Variants in SLC14A2 observed in about 807,000 individuals in gnomAD.
SLC14A2 encodes urea transporter 2.
Under a neutral mutation model 104.6 loss-of-function variants are expected in SLC14A2, and 91 were observed. The observed-to-expected ratio is 0.87, with a 90% CI of 0.73 to 1.04. SLC14A2 has a LOEUF of 1.04. SLC14A2 is among the 50% of genes least tolerant of loss of function. The pLI is 0.00. For missense variants in SLC14A2, 1,189 were observed against 1,156.0 expected (o/e 1.03, Z -0.41); for synonymous variants, 476 against 466.4 (o/e 1.02, Z -0.27).
chr18:45,501,529 T>C (rs1204425629), intron 2 of SLC14A2, among the ~76,000 whole-genome samples: 1 of 152,236 alleles, frequency 6.6e-6, no homozygotes, highest in Non-Finnish European at 1.5e-5. Context: ...TGCATTGCCA[T>C]GTAGAGAAGT....
chr18:45,492,628 A>G (rs1368216669), intron 2 of SLC14A2, among the ~76,000 whole-genome samples: 1 of 152,184 alleles, frequency 6.6e-6, no homozygotes, highest in East Asian at 1.9e-4. Flanking sequence ...CATATCAGAA[A>G]TGTTTTCTTT....
At chr18:45,549,036 A>C (rs1483160851) in intron 2 of SLC14A2, among the ~76,000 whole-genome samples, 1 of 152,230 alleles carries the variant, frequency 6.6e-6, no homozygotes, top group Non-Finnish European at 1.5e-5. Flanking sequence ...AATATTGCCG[A>C]AGGCTAGCGC....
At chr18:45,508,912 TG>T (rs1202445831) in intron 2 of SLC14A2, among the ~76,000 whole-genome samples, 2 of 152,152 alleles carry the variant, frequency 1.3e-5, no homozygotes, top group Non-Finnish European at 2.9e-5. Flanking sequence ...ATCAAGATAT[TG>T]GGGGGTGACA....
chr18:45,273,865 T>C (rs2084675712), intron 1 of SLC14A2, among the ~76,000 whole-genome samples: 1 of 152,188 alleles, frequency 6.6e-6, no homozygotes, highest in South Asian at 2.1e-4. Flanking sequence ...TGAGCATCTA[T>C]AGAACAGTAT....
chr18:45,532,237 G>A (rs1452631919), intron 2 of SLC14A2, among the ~76,000 whole-genome samples: 2 of 152,156 alleles, frequency 1.3e-5, no homozygotes. Flanking sequence ...ATTCTGTGAA[G>A]AAAGTCATTG....
chr18:45,180,744 A>C, the SLC14A2 span, among the ~76,000 whole-genome samples: 2 of 152,340 alleles, frequency 1.3e-5, no homozygotes, highest in African/African-American at 4.8e-5. Flanking sequence ...ATATCAACTA[A>C]AACTTAGTGA....
chr18:45,192,384 A>G, the SLC14A2 span, among the ~76,000 whole-genome samples: 2 of 152,232 alleles, frequency 1.3e-5, no homozygotes, highest in Admixed American at 6.5e-5. Flanking sequence ...GTGAGCATCC[A>G]TGTGCAAATC....
At chr18:45,482,540 A>C (rs547917175) in intron 1 of SLC14A2, 1 of 152,304 alleles carries the variant, frequency 6.6e-6, no homozygotes, top group Non-Finnish European at 1.5e-5. Context: ...AGTTCACTCA[A>C]GTGATTGTTG....
chr18:45,264,375 A>G (rs559033747), intron 1 of SLC14A2, among the ~76,000 whole-genome samples: 1 of 152,358 alleles, frequency 6.6e-6, no homozygotes, highest in South Asian at 2.1e-4. Context: ...AGGCACATAA[A>G]GTATTTTCAG....
At chr18:45,354,128 A>G (rs2085528712) in intron 1 of SLC14A2, among the ~76,000 whole-genome samples, 1 of 152,226 alleles carries the variant, frequency 6.6e-6, no homozygotes, top group African/African-American at 2.4e-5. Flanking sequence ...ATTGTTCTCT[A>G]TAACATCAAT....
chr18:45,535,313 T>A (rs1003704012), intron 2 of SLC14A2, among the ~76,000 whole-genome samples: 4 of 152,188 alleles, frequency 2.6e-5, no homozygotes, highest in African/African-American at 9.7e-5. Context: ...TTGAGCTGAA[T>A]GTGACAAATA....
intron 16 of SLC14A2, among the ~76,000 whole-genome samples, chr18:45,672,272 G>C (rs2046152585): frequency 6.6e-6 from 1 of 152,248 alleles, no homozygotes; most frequent in East Asian, 1.9e-4. Context: ...GCTCACGCCT[G>C]TAATCCCAGC....
At chr18:45,328,833 C>G (rs976165470) in intron 1 of SLC14A2, among the ~76,000 whole-genome samples, 1 of 152,154 alleles carries the variant, frequency 6.6e-6, no homozygotes, top group Non-Finnish European at 1.5e-5. Context: ...ATAATACGTT[C>G]CAAACCCAAA....
intron 1 of SLC14A2, among the ~76,000 whole-genome samples, chr18:45,446,903 G>A (rs550038383): frequency 2.6e-5 from 4 of 152,144 alleles, no homozygotes; most frequent in East Asian, 1.9e-4. Context: ...ATGAGCCCTC[G>A]GCTTCCTATC....
At chr18:45,185,835 A>G in the SLC14A2 span, among the ~76,000 whole-genome samples, 13 of 152,238 alleles carry the variant, frequency 8.5e-5, no homozygotes, top group Non-Finnish European at 1.9e-4. Context: ...CTGCATTTCT[A>G]TATACAAGCA....
In SLC14A2 at chr18:45,683,423, A is replaced by G. The variant is rs2046342903; in HGVS notation, c.*904A>G. 6.6e-6 allele frequency: 1 copy of G among 152,246 alleles called. No homozygotes were observed. The highest frequency in any genetic ancestry group is 2.4e-5 in the African/African-American group (1 of 41,474). The allele number at this position is 152,246 out of a possible 1,614,324, so 9.4% of individuals were successfully genotyped here. A position where few individuals can be genotyped will look rare whatever the true frequency, so the allele number is the denominator to read the frequency against. On this transcript the variant is annotated 3_prime_UTR_variant, in exon 20 of 20. Coordinates refer to ENST00000255226, the MANE Select transcript of SLC14A2 (RefSeq NM_007163.4). ...ACAACAAGTAATTTAAGTAAAGGAC[A>G]GAAGGGTTACCCAAGAAGAGGCAGG...
chr18:45,279,198 C>T (rs183861048), intron 1 of SLC14A2, among the ~76,000 whole-genome samples: 35 of 152,200 alleles, frequency 2.3e-4, no homozygotes, highest in African/African-American at 7.2e-4. Flanking sequence ...GGGAACATGC[C>T]GACAGCAGTA....
At chr18:45,524,518 AAGCCC>A (rs1357824567) in intron 2 of SLC14A2, among the ~76,000 whole-genome samples, 1 of 152,180 alleles carries the variant, frequency 6.6e-6, no homozygotes, top group Non-Finnish European at 1.5e-5. Flanking sequence ...GGCCTCAAGG[AAGCCC>A]AGAGCAGCCT....
At chr18:45,236,599 ATATATTCATG>A (rs2084256636) in intron 1 of SLC14A2, among the ~76,000 whole-genome samples, 1 of 149,620 alleles carries the variant, frequency 6.7e-6, no homozygotes, top group Admixed American at 6.7e-5. Context: ...GGGAAAAAGT[ATATATTCATG>A]TGTGTGTATA....
Sources: allele counts gnomAD v4.1 joint callset (sites outside exome capture counted in the v4.1 genomes callset), GRCh38; gene constraint gnomAD v4.1.1; transcripts MANE v1.5; gene names NCBI Gene and HGNC (gene_info 2026-07-23, HGNC 2026-07-21).